PPP2CA: variants seen among roughly 807,000 people sequenced by gnomAD.
PPP2CA encodes the protein serine/threonine-protein phosphatase 2A catalytic subunit alpha isoform.
PPP2CA carries 5 observed loss-of-function variants against 38.8 expected under a neutral mutation model. The ratio of observed to expected loss-of-function variants is 0.13; its 90% CI spans 0.07 to 0.27. The LOEUF is 0.27. PPP2CA is among the 10% of genes least tolerant of loss of function. PPP2CA has a pLI of 1.00. For synonymous variants in PPP2CA, 152 were observed against 134.0 expected, an observed-to-expected ratio of 1.13 and a Z score of -0.93; for missense variants, 88 against 389.7, an observed-to-expected ratio of 0.23 and a Z score of 6.52.
At chr5:134,199,438 T>TAA in intron 5 of PPP2CA, 5 of 259,602 alleles carry the variant, frequency 1.9e-5, no homozygotes, top group Non-Finnish European at 2.0e-5. Flanking sequence ...TTTTAGTACT[T>TAA]TAAAAAAAAA....
chr5:134,199,026 A>G lies in PPP2CA; in HGVS notation c.857+60T>C, dbSNP rs1049503560. Reference sequence around the variant, plus strand: ...TAGTGACACCCTCTCTCTCAAAATAAATAAACCAAAACCCTACATATTCAG... The same window carrying G: ...TAGTGACACCCTCTCTCTCAAAATAGATAAACCAAAACCCTACATATTCAG... On this transcript the variant is annotated intron_variant, in intron 6 of 6. Transcript: ENST00000481195. 2.7e-4 allele frequency: 378 copies of G among 1,376,966 alleles called. 5 individuals carry two copies. The highest frequency in any genetic ancestry group is 1.6e-3 in the Middle Eastern group (9 of 5,572). 85.3% of individuals were successfully genotyped at this position (1,376,966 alleles called of 1,614,324 possible). A position where few individuals can be genotyped will look rare whatever the true frequency, so the allele number is the denominator to read the frequency against.
rs1278733962 is a variant in PPP2CA at position 134,195,046 on chromosome 5, G to A, written c.*2726C>T. 6.6e-6 allele frequency: 1 copy of A among 152,134 alleles called. No homozygotes were observed. Among genetic ancestry groups the A allele is most frequent in the Non-Finnish European group, 1.5e-5 (1 of 68,020 alleles). 9.4% of individuals were successfully genotyped at this position (152,134 alleles called of 1,614,324 possible). ...ACAGAAATAACTATCCTTTTCCTGA[G>A]CTAAGTCCTTCTTGAAACTAATCTA... On this transcript the variant is annotated 3_prime_UTR_variant, in exon 7 of 7. Transcript: ENST00000481195.
chr5:134,221,188 T>C (rs1580652066), intron 1 of PPP2CA, among the ~76,000 whole-genome samples: 5 of 152,302 alleles, frequency 3.3e-5, no homozygotes, highest in African/African-American at 1.2e-4. Context: ...CTTGGTTCAC[T>C]GCAACCTCCG....
chr5:134,222,643 A>G (rs1762470569), intron 1 of PPP2CA, among the ~76,000 whole-genome samples: 1 of 152,208 alleles, frequency 6.6e-6, no homozygotes, highest in Non-Finnish European at 1.5e-5. Context: ...GTCACATAAT[A>G]AAAGATTGTT....
At chr5:134,223,093 G>T (rs1420931937) in intron 1 of PPP2CA, among the ~76,000 whole-genome samples, 1 of 152,154 alleles carries the variant, frequency 6.6e-6, no homozygotes, top group Non-Finnish European at 1.5e-5. Flanking sequence ...CAGGCATTTA[G>T]GTGGGTAGAA....
rs1403850691 is a variant in PPP2CA at position 134,196,042 on chromosome 5, CAA to C, written c.*1728_*1729del. 2 of 152,000 alleles carry C rather than the reference CAA, an allele frequency of 1.3e-5. No homozygotes were observed. The highest frequency in any genetic ancestry group is 1.9e-4 in the East Asian group (1 of 5,186). The allele number at this position is 152,000 out of a possible 1,614,324, so 9.4% of individuals were successfully genotyped here. A position where few individuals can be genotyped will look rare whatever the true frequency, so the allele number is the denominator to read the frequency against. ...GAAAGGGCATAGAGTGACAGAGCAA[CAA>C]AAAGACACACAGAGAATGTATTTCT... is the stretch of plus-strand genomic sequence containing the variant. On this transcript the variant is annotated 3_prime_UTR_variant, in exon 7 of 7. Coordinates refer to ENST00000481195, the MANE Select transcript of PPP2CA (RefSeq NM_002715.4).
At chr5:134,222,896 T>C (rs1217897886) in intron 1 of PPP2CA, among the ~76,000 whole-genome samples, 1 of 152,228 alleles carries the variant, frequency 6.6e-6, no homozygotes, top group East Asian at 1.9e-4. Flanking sequence ...TTTTAGCTAG[T>C]CAGTAACATA....
Position 134,194,570 on chromosome 5 carries a change from A to G in PPP2CA, c.*3202T>C, listed in dbSNP as rs1313024305. On this transcript the variant is annotated 3_prime_UTR_variant, in exon 7 of 7. Coordinates refer to ENST00000481195, the MANE Select transcript of PPP2CA (RefSeq NM_002715.4). ...CAACATCCATGAACCACCACCATGT[A>G]TCCCAATTTTCTTAAGTATGTACTT... The G allele has an allele frequency of 6.6e-6, 1 of 152,272 alleles. No homozygotes were observed. Among genetic ancestry groups the G allele is most frequent in the Non-Finnish European group, 1.5e-5 (1 of 68,026 alleles). The allele number at this position is 152,272 out of a possible 1,614,324, so 9.4% of individuals were successfully genotyped here.
rs1761876103 is a variant in PPP2CA, at chr5:134,197,342, T to C, written c.*430A>G. On this transcript the variant is annotated 3_prime_UTR_variant, in exon 7 of 7. Transcript: ENST00000481195. ...AAACTCACAAGTAGAAGGGAGGCCT[T>C]GGTAATTATTTTTAAAAATGTTCAT... The C allele has an allele frequency of 6.4e-6, 1 of 155,784 alleles. No homozygotes were observed. The highest frequency in any genetic ancestry group is 2.4e-5 in the African/African-American group (1 of 41,544). The allele number at this position is 155,784 out of a possible 1,614,324, so 9.7% of individuals were successfully genotyped here.
At chr5:134,210,991 A>C (rs1461149091) in intron 1 of PPP2CA, among the ~76,000 whole-genome samples, 1 of 152,208 alleles carries the variant, frequency 6.6e-6, no homozygotes, top group Non-Finnish European at 1.5e-5. Context: ...TCTTAGTAAG[A>C]CCTTATCACA....
intron 1 of PPP2CA, among the ~76,000 whole-genome samples, chr5:134,219,960 G>A (rs1374123728): frequency 1.4e-5 from 2 of 147,762 alleles, no homozygotes; most frequent in Non-Finnish European, 3.0e-5. Flanking sequence ...GCAGTGAGCC[G>A]AGATCATGCA....
At chr5:134,225,688 C>G (rs1395118864) in intron 1 of PPP2CA, 72 bp downstream of exon 1, 2 of 1,438,898 alleles carry the variant, frequency 1.4e-6, no homozygotes, top group East Asian at 5.0e-5. Flanking sequence ...CATGTTGCAC[C>G]CTCCTCACGG....
intron 1 of PPP2CA, among the ~76,000 whole-genome samples, chr5:134,214,205 T>G (rs980711793): frequency 1.3e-5 from 2 of 152,124 alleles, no homozygotes; most frequent in Non-Finnish European, 2.9e-5. Flanking sequence ...TATAACTATC[T>G]TATTCTTACC....
At chr5:134,225,490 C>G in intron 1 of PPP2CA, 2 of 402,742 alleles carry the variant, frequency 5.0e-6, no homozygotes, top group Non-Finnish European at 9.0e-6. Context: ...CTCCCCCTGC[C>G]ACCTCGTCTG....
intron 1 of PPP2CA, among the ~76,000 whole-genome samples, chr5:134,216,183 G>C (rs1329683520): frequency 2.0e-5 from 3 of 152,038 alleles, no homozygotes; most frequent in Admixed American, 6.5e-5. Flanking sequence ...ATTCATTTTT[G>C]TTGTTAGCTA....
chr5:134,199,277 A>G (rs764366400), intron 5 of PPP2CA, 73 bp from the exon 6 acceptor site: 5 of 1,161,220 alleles, frequency 4.3e-6, no homozygotes, highest in Non-Finnish European at 5.1e-6. Flanking sequence ...CTCAAGAGAG[A>G]AAAAAATCTC....
At chr5:134,203,451 A>G (rs1427573363) in intron 2 of PPP2CA, 4 of 152,228 alleles carry the variant, frequency 2.6e-5, no homozygotes, top group Non-Finnish European at 5.9e-5. Flanking sequence ...CAGAGGCAGA[A>G]GTCCAAGATC....
rs1038999427 is a variant in PPP2CA, at chr5:134,194,752, G to C, written c.*3020C>G. The C allele has an allele frequency of 3.3e-5, 5 of 152,286 alleles. No individual in the cohort carries two copies. Among genetic ancestry groups the C allele is most frequent in the African/African-American group, 4.8e-5 (2 of 41,412 alleles). 9.4% of individuals were successfully genotyped at this position (152,286 alleles called of 1,614,324 possible). On this transcript the variant is annotated 3_prime_UTR_variant, in exon 7 of 7. Transcript: ENST00000481195. ...AGCCTCCCAAGTAGCTGGGATTACAGGCTCCTGCCACCACACCGGTCAGTT... is the reference window on the plus strand; with the variant it reads ...AGCCTCCCAAGTAGCTGGGATTACACGCTCCTGCCACCACACCGGTCAGTT...
intron 2 of PPP2CA, 72 bp from the exon 3 acceptor site, chr5:134,202,093 A>C: frequency 1.4e-6 from 2 of 1,434,646 alleles, no homozygotes; most frequent in African/African-American, 2.9e-5. Flanking sequence ...GAAACTTTCT[A>C]TAGAAAAAAA....
Sources: gnomAD v4.1 joint callset for allele counts (sites outside exome capture counted in the v4.1 genomes callset) on GRCh38, gnomAD v4.1.1 for gene constraint, MANE v1.5 for transcripts, NCBI Gene and HGNC (gene_info 2026-07-23, HGNC 2026-07-21) for gene names.